TRPM8: variants seen among roughly 807,000 people sequenced by gnomAD.
TRPM8 encodes transient receptor potential cation channel subfamily M member 8, also known as TRPM8 cationic channel.
A neutral mutation model predicts 133.7 loss-of-function variants in TRPM8; 110 were observed. The ratio of observed to expected loss-of-function variants is 0.82; its 90% CI spans 0.70 to 0.96. The LOEUF is 0.96. TRPM8 is among the 40% of genes least tolerant of loss of function. The pLI is 0.00. For synonymous variants in TRPM8, 535 were observed against 532.3 expected (o/e 1.01, Z -0.07); for missense variants, 1,291 against 1,379.5 (o/e 0.94, Z 1.02).
chr2:234,011,833 C>T (rs1223588081), intron 24 of TRPM8, among the ~76,000 whole-genome samples: 2 of 139,382 alleles, frequency 1.4e-5, no homozygotes, highest in South Asian at 2.3e-4. Context: ...AGGAGAATGG[C>T]GTGAACCTGG....
At chr2:233,975,450 A>C (rs116428128) in intron 17 of TRPM8, among the ~76,000 whole-genome samples, 1 of 152,190 alleles carries the variant, frequency 6.6e-6, no homozygotes, top group Non-Finnish European at 1.5e-5. Flanking sequence ...AAAAGTCAAA[A>C]GTCTTTTTTC....
At chr2:233,977,202 T>C (rs952793105) in intron 17 of TRPM8, among the ~76,000 whole-genome samples, 2 of 152,064 alleles carry the variant, frequency 1.3e-5, no homozygotes. Context: ...TAAACAGACA[T>C]TGGGGATGTT....
At position 233,974,958 on chromosome 2, in the gene TRPM8, T is replaced by A. The variant is rs1213864502; in HGVS notation, c.2355+4532T>A. ...AGAAAAAACCATCTGGAATTGCAAA[T>A]GGCTGGTACAATAGTAACTTACTGA... On this transcript the variant is annotated intron_variant, in intron 17 of 25. Coordinates refer to ENST00000324695, the MANE Select transcript of TRPM8 (RefSeq NM_024080.5). 2.6e-5 allele frequency among the ~76,000 whole-genome samples: 4 copies of A among 151,962 alleles called. No individual in the cohort carries two copies. The East Asian group carries it at 7.7e-4, about 29-fold the overall frequency.
chr2:233,918,918 C>A (rs1691354765), intron 1 of TRPM8, among the ~76,000 whole-genome samples: 2 of 152,146 alleles, frequency 1.3e-5, no homozygotes, highest in Admixed American at 1.3e-4. Flanking sequence ...TAATTGATGG[C>A]TCAAAGAGTG....
At chr2:233,938,927 G>A (rs899597820) in intron 4 of TRPM8, 71 bp from the exon 5 acceptor site, 94 of 1,528,712 alleles carry the variant, frequency 6.1e-5, no homozygotes, top group Non-Finnish European at 7.5e-5. Context: ...TTGGAAGTTG[G>A]GAGGGAATGC....
rs200440101 is a variant in TRPM8, at chr2:234,018,181, A to T, written c.*925A>T. 1.4e-3 allele frequency: 206 copies of T among 152,210 alleles called. No individual in the cohort carries two copies. Among genetic ancestry groups the T allele is most frequent in the African/African-American group, 4.8e-3 (198 of 41,528 alleles). The allele number at this position is 152,210 out of a possible 1,614,324, so 9.4% of individuals were successfully genotyped here. The stretch of plus-strand genomic sequence containing the variant: ...ATTTTACAGAATGTTATCATACTAC[A>T]TATATACTTTTTATGTAAGCTTTTT... On this transcript the variant is annotated 3_prime_UTR_variant, in exon 26 of 26. Coordinates refer to ENST00000324695, the MANE Select transcript of TRPM8 (RefSeq NM_024080.5).
chr2:233,979,243 G>C (rs1691946190), intron 17 of TRPM8, among the ~76,000 whole-genome samples: 1 of 152,168 alleles, frequency 6.6e-6, no homozygotes, highest in African/African-American at 2.4e-5. Context: ...AATTCACGTA[G>C]GGCCTCGGTC....
chr2:234,008,932 T>G (rs1283560781), intron 24 of TRPM8, among the ~76,000 whole-genome samples: 1 of 152,212 alleles, frequency 6.6e-6, no homozygotes, highest in Non-Finnish European at 1.5e-5. Flanking sequence ...TTAAAAAATC[T>G]AGGCAGTAGT....
At chr2:233,990,223 A>G (rs28902218) in intron 21 of TRPM8, among the ~76,000 whole-genome samples, 1 of 152,220 alleles carries the variant, frequency 6.6e-6, no homozygotes, top group Non-Finnish European at 1.5e-5. Flanking sequence ...TCATTTAATT[A>G]TTACTCATTT....
rs1574690478 is a variant in TRPM8 at position 233,927,850 on chromosome 2, TCCTTTCTTTC to T, written c.117+1197_117+1206del. On this transcript the variant is annotated intron_variant, in intron 2 of 25. Transcript: ENST00000324695. ...TTCCTTCCTTCCTTCCTTCCTTCCT[TCCTTTCTTTC>T]TCTTTCTTTCTTTCTTTCTTTCTTT... 3.3e-5 allele frequency among the ~76,000 whole-genome samples: 2 copies of T among 60,956 alleles called. 1 individual carries two copies. The highest frequency in any genetic ancestry group is 6.2e-5 in the Non-Finnish European group (2 of 32,222). 40.0% of individuals were successfully genotyped at this position (60,956 alleles called of 152,430 possible). A position where few individuals can be genotyped will look rare whatever the true frequency, so the allele number is the denominator to read the frequency against.
At chr2:233,975,407 C>T (rs940679014) in intron 17 of TRPM8, among the ~76,000 whole-genome samples, 13 of 152,142 alleles carry the variant, frequency 8.5e-5, no homozygotes, top group African/African-American at 1.9e-4. Flanking sequence ...GGGCAGAGGG[C>T]GCTTTGGTGG....
intron 12 of TRPM8, among the ~76,000 whole-genome samples, chr2:233,962,900 A>C (rs1049294830): frequency 5.3e-5 from 8 of 152,212 alleles, no homozygotes; most frequent in Non-Finnish European, 1.0e-4. Context: ...ATGTTGGGAT[A>C]ATTGAACTTA....
rs1325695706 is a variant in TRPM8 at position 233,945,970 on chromosome 2, A to G, written c.814A>G (p.Thr272Ala). The change falls in exon 7 of 26, where the codon ACT (threonine) becomes GCT (alanine). Residue 272 changes from threonine to alanine, a missense_variant. By Grantham distance (58) the Thr-to-Ala change is moderately conservative. Around this residue, in one of 2 missense-constraint regions of TRPM8, gnomAD observed 963 missense variants for 968.9 expected, o/e 0.99. Transcript: ENST00000324695. ...GGACAATGGCTGTCATGGACATCCC[A>G]CTGTCGAAGCAAAGCTCCGGAATCA... ...LVDNGCHGHP[T>A]VEAKLRNQLE... is the part of the protein sequence containing the mutation. 2 of 1,614,058 alleles carry G rather than the reference A, an allele frequency of 1.2e-6. No homozygotes were observed. Among genetic ancestry groups the G allele is most frequent in the African/African-American group, 1.3e-5 (1 of 74,922 alleles).
At position 233,996,320 on chromosome 2, in the gene TRPM8, C is replaced by T; in HGVS notation, c.2940-6C>T. ...TAAGTCTTGGCCTTCTCTCTTCCCTCACCAGCTACACGGTGGGCACCGTCC... is the reference window on the plus strand; with the variant it reads ...TAAGTCTTGGCCTTCTCTCTTCCCTTACCAGCTACACGGTGGGCACCGTCC... On this transcript the variant is annotated splice_polypyrimidine_tract_variant and splice_region_variant and intron_variant, in intron 21 of 25. Coordinates refer to ENST00000324695, the MANE Select transcript of TRPM8 (RefSeq NM_024080.5). 1.2e-6 allele frequency: 2 copies of T among 1,613,646 alleles called. No homozygotes were observed. Among genetic ancestry groups the T allele is most frequent in the Non-Finnish European group, 8.5e-7 (1 of 1,179,740 alleles).
intron 5 of TRPM8, among the ~76,000 whole-genome samples, chr2:233,940,883 GA>G (rs1248314974): frequency 3.3e-5 from 5 of 152,220 alleles, no homozygotes; most frequent in African/African-American, 1.2e-4. Flanking sequence ...ATGGCGTGGG[GA>G]AAGGTGATAG....
At chr2:233,988,421 G>A (rs571970505) in intron 21 of TRPM8, among the ~76,000 whole-genome samples, 7 of 152,190 alleles carry the variant, frequency 4.6e-5, no homozygotes, top group South Asian at 2.1e-4. Context: ...TGAGAATGGC[G>A]AACTCTGGAG....
At position 234,018,412 on chromosome 2, in the gene TRPM8, ATATC is replaced by A. The variant is rs1693010608; in HGVS notation, c.*1160_*1163del. 1 of 151,358 alleles carries A rather than the reference ATATC, an allele frequency of 6.6e-6. No individual in the cohort carries two copies. Among genetic ancestry groups the A allele is most frequent in the Non-Finnish European group, 1.5e-5 (1 of 67,856 alleles). 9.4% of individuals were successfully genotyped at this position (151,358 alleles called of 1,614,324 possible). ...ATTTTCCAAGGTTAGATTCCAATAA[ATATC>A]TATTTATTATTAAATATTAAAATAT... On this transcript the variant is annotated 3_prime_UTR_variant, in exon 26 of 26. Coordinates refer to ENST00000324695, the MANE Select transcript of TRPM8 (RefSeq NM_024080.5).
At chr2:233,923,527 C>T (rs551092377) in intron 1 of TRPM8, among the ~76,000 whole-genome samples, 152 of 152,292 alleles carry the variant, frequency 1.0e-3, no homozygotes, top group African/African-American at 3.4e-3. Context: ...CTGCCCAATG[C>T]TGCCGGCACC....
chr2:234,006,603 C>T (rs892966700), intron 22 of TRPM8, among the ~76,000 whole-genome samples: 10 of 152,094 alleles, frequency 6.6e-5, no homozygotes, highest in African/African-American at 2.2e-4. Flanking sequence ...GGATTTAGAT[C>T]GATTATTTAG....
Sources: allele counts gnomAD v4.1 joint callset (sites outside exome capture counted in the v4.1 genomes callset), GRCh38; gene constraint gnomAD v4.1.1; regional missense constraint gnomAD v4.1.1; transcripts MANE v1.5; gene names NCBI Gene and HGNC (gene_info 2026-07-23, HGNC 2026-07-21).